Variants in AGBL2 observed in about 807,000 individuals in gnomAD.
The protein encoded by AGBL2 is AGBL carboxypeptidase 2, also known as cytosolic carboxypeptidase 2.
Under a neutral mutation model 103.0 loss-of-function variants are expected in AGBL2, and 87 were observed. The ratio of observed to expected loss-of-function variants is 0.84; its 90% CI spans 0.71 to 1.01. AGBL2 has a LOEUF of 1.01. Ranked by LOEUF, AGBL2 falls within the 50% of genes least tolerant of loss-of-function variation. AGBL2 has a pLI of 0.00. For missense variants in AGBL2, 904 were observed against 1,023.5 expected (o/e 0.88, Z 1.59); for synonymous variants, 335 against 356.7 (o/e 0.94, Z 0.69).
chr11:47,710,099 G>A (rs1366665953), intron 4 of AGBL2: 2 of 343,492 alleles, frequency 5.8e-6, no homozygotes, highest in Non-Finnish European at 5.5e-6. Flanking sequence ...ATGCTGGTCA[G>A]ACTGGTCTCA....
intron 13 of AGBL2, among the ~76,000 whole-genome samples, chr11:47,679,037 C>T (rs542522860): frequency 2.4e-4 from 25 of 104,824 alleles, no homozygotes; most frequent in South Asian, 3.5e-4. Context: ...CCAGCCTGGG[C>T]GACAGATGGA....
intron 11 of AGBL2, among the ~76,000 whole-genome samples, chr11:47,682,677 C>T (rs2097405929): frequency 1.3e-5 from 2 of 152,290 alleles, no homozygotes; most frequent in African/African-American, 2.4e-5. Flanking sequence ...TCAATATCCT[C>T]CCTTATCTTT....
Position 47,710,474 on chromosome 11 carries a change from C to T in AGBL2, c.135G>A (p.Gln45=). The T allele has an allele frequency of 6.2e-7, 1 of 1,614,160 alleles. No individual in the cohort carries two copies. The change falls in exon 4 of 19, where the codon CAG becomes CAA. Residue 45 remains glutamine, a synonymous_variant. Coordinates refer to ENST00000525123, the MANE Select transcript of AGBL2 (RefSeq NM_024783.4). ...RGSLPNSATH[Q]HVRKNNPQCL... ...ATTGAGGGTTATTCTTCCGAACATG[C>T]TGATGCGTAGCAGAGTTTGGTAAAC...
At chr11:47,709,600 T>C (rs2097531231) in intron 4 of AGBL2, among the ~76,000 whole-genome samples, 1 of 152,104 alleles carries the variant, frequency 6.6e-6, no homozygotes, top group Admixed American at 6.6e-5. Flanking sequence ...TTTTTTTTTT[T>C]TTTTTGAGAC....
chr11:47,710,340 G>C (rs1219291316), intron 4 of AGBL2, 37 bp downstream of exon 4: 2 of 1,613,430 alleles, frequency 1.2e-6, no homozygotes, highest in Non-Finnish European at 1.7e-6. Flanking sequence ...ACTAGGCAAT[G>C]AGGTTCTAGA....
chr11:47,675,276 A>C (rs1435559657), intron 14 of AGBL2, among the ~76,000 whole-genome samples: 1 of 129,200 alleles, frequency 7.7e-6, no homozygotes, highest in Non-Finnish European at 1.6e-5. Context: ...TAGCGCGGCC[A>C]TACCTCACTG....
chr11:47,662,779 C>A (rs2097331451), intron 18 of AGBL2, among the ~76,000 whole-genome samples: 1 of 152,170 alleles, frequency 6.6e-6, no homozygotes, highest in Non-Finnish European at 1.5e-5. Flanking sequence ...CAGGCATGAG[C>A]CACTGTGCCC....
chr11:47,707,385 G>A (rs898629253), intron 4 of AGBL2, among the ~76,000 whole-genome samples: 3 of 152,198 alleles, frequency 2.0e-5, no homozygotes, highest in Non-Finnish European at 4.4e-5. Flanking sequence ...ACACTTCCAC[G>A]TGGCTGGGGA....
chr11:47,668,208 CAAAAA>C (rs34571219), intron 15 of AGBL2, among the ~76,000 whole-genome samples: 1 of 95,148 alleles, frequency 1.1e-5, no homozygotes, highest in Non-Finnish European at 1.9e-5. Context: ...GACTCCATCT[CAAAAA>C]AAAAAAAAAA....
Position 47,660,180 on chromosome 11 carries a change from T to A in AGBL2, c.2702A>T (p.Tyr901Phe). 6.2e-7 allele frequency: 1 copy of A among 1,611,438 alleles called. No homozygotes were observed. Among genetic ancestry groups the A allele is most frequent in the South Asian group, 1.1e-5 (1 of 90,664 alleles). The change falls in exon 19 of 19, where the codon TAC (tyrosine) becomes TTC (phenylalanine). Residue 901 changes from tyrosine (Y) to phenylalanine (F), a missense_variant. Coordinates refer to ENST00000525123, the MANE Select transcript of AGBL2 (RefSeq NM_024783.4). ...AAYPSLHIYT[Y>F]P is the part of the protein sequence containing the mutation. ...GGCACAGCCCAGGCTCACCTACGGG[T>A]ATGTGTATATGTGCAAGGATGGGTA... is the stretch of plus-strand genomic sequence containing the variant.
intron 7 of AGBL2, among the ~76,000 whole-genome samples, chr11:47,699,824 G>A (rs2097491104): frequency 6.6e-6 from 1 of 152,134 alleles, no homozygotes; most frequent in Non-Finnish European, 1.5e-5. Flanking sequence ...GGTCAATATA[G>A]CTGCTGCAAC....
intron 14 of AGBL2, among the ~76,000 whole-genome samples, chr11:47,673,865 CGAGAT>C (rs1435420020): frequency 1.3e-5 from 2 of 150,538 alleles, no homozygotes; most frequent in Non-Finnish European, 2.9e-5. Context: ...TTGAGGAGGC[CGAGAT>C]GGGTGGATCA....
chr11:47,675,888 C>A (rs2097373158), intron 14 of AGBL2, among the ~76,000 whole-genome samples: 1 of 152,162 alleles, frequency 6.6e-6, no homozygotes, highest in East Asian at 1.9e-4. Flanking sequence ...CACCTGTAGT[C>A]CCAGCTACTT....
chr11:47,696,675 G>A (rs565943408), intron 8 of AGBL2, among the ~76,000 whole-genome samples: 110 of 152,080 alleles, frequency 7.2e-4, no homozygotes, highest in African/African-American at 2.5e-3. Flanking sequence ...CTAGCAATTC[G>A]TCCTGTTGAT....
Position 47,690,700 on chromosome 11 carries a change from A to C in AGBL2, c.1007T>G (p.Met336Arg). The change falls in exon 10 of 19, where the codon ATG becomes AGG. Residue 336 changes from methionine (M) to arginine (R), a missense_variant. Transcript: ENST00000525123. ...LKPKSLYTVG[M>R]KPLLYSQLDA... ...CAATTGGGAGTACAAGAGTGGCTTC[A>C]TCCCTACAGTATAAAGACTCTTGGG... 6.2e-7 allele frequency: 1 copy of C among 1,614,166 alleles called. No individual in the cohort carries two copies. The highest frequency in any genetic ancestry group is 8.5e-7 in the Non-Finnish European group (1 of 1,180,038).
At chr11:47,681,485 T>C (rs555219654) in intron 12 of AGBL2, among the ~76,000 whole-genome samples, 1 of 152,222 alleles carries the variant, frequency 6.6e-6, no homozygotes, top group South Asian at 2.1e-4. Context: ...TTGTTTGTTT[T>C]GAGACAGAGT....
rs149369765 is a variant in AGBL2 at position 47,704,722 on chromosome 11, T to A, written c.407A>T (p.His136Leu). 3.3e-3 allele frequency: 5,382 copies of A among 1,613,610 alleles called. 19 individuals carry two copies. The highest frequency in any genetic ancestry group is 4.1e-3 in the Non-Finnish European group (4,859 of 1,179,892). The change falls in exon 7 of 19, where the codon CAT (histidine) becomes CTT (leucine). Residue 136 changes from histidine to leucine, a missense_variant. By Grantham distance (99) the His-to-Leu change is moderately conservative. Coordinates refer to ENST00000525123, the MANE Select transcript of AGBL2 (RefSeq NM_024783.4). ...AFRVAGITDS[H>L]MLSLPHLRSR... ...CCTAAGATGTGGTAAACTCAGCATA[T>A]GTGAATCTGCCAAAGGGAAAGAGAG...
chr11:47,700,911 A>C (rs1419404101), intron 7 of AGBL2, among the ~76,000 whole-genome samples: 2 of 151,460 alleles, frequency 1.3e-5, no homozygotes, highest in Non-Finnish European at 2.9e-5. Context: ...AAATACAAAA[A>C]TTAGCCGAGT....
At chr11:47,669,628 G>A (rs1299575918) in intron 14 of AGBL2, among the ~76,000 whole-genome samples, 2 of 151,850 alleles carry the variant, frequency 1.3e-5, no homozygotes, top group African/African-American at 2.4e-5. Context: ...GCAGTGAACC[G>A]AGATTGCGCC....
Sources: gnomAD v4.1 joint callset for allele counts (sites outside exome capture counted in the v4.1 genomes callset) on GRCh38, gnomAD v4.1.1 for gene constraint, MANE v1.5 for transcripts, NCBI Gene and HGNC (gene_info 2026-07-23, HGNC 2026-07-21) for gene names.